Variants in C4orf36 observed in about 807,000 individuals in gnomAD.
C4orf36 encodes the protein chromosome 4 open reading frame 36, also known as uncharacterized protein C4orf36.
A neutral mutation model predicts 12.2 loss-of-function variants in C4orf36; 11 were observed. That is an observed-to-expected ratio of 0.90 (90% CI 0.57 to 1.49). The LOEUF is 1.49. C4orf36 is among the 40% of genes most tolerant of loss of function. C4orf36 has a pLI of 0.00. For synonymous variants in C4orf36, 54 were observed against 51.3 expected (o/e 1.05, Z -0.22); for missense variants, 137 against 133.9 (o/e 1.02, Z -0.11).
chr4:86,888,055 A>G, intron 3 of C4orf36, 66 bp downstream of exon 3: 2 of 1,574,532 alleles, frequency 1.3e-6, no homozygotes, highest in East Asian at 2.2e-5. Flanking sequence ...AGATTTAAAC[A>G]TTTCTCTGAT....
At chr4:86,904,161 C>T in the C4orf36 span, among the ~76,000 whole-genome samples, 5 of 152,246 alleles carry the variant, frequency 3.3e-5, no homozygotes, top group Non-Finnish European at 7.3e-5. Flanking sequence ...AGAAGGAGCT[C>T]ATCCCGAGAT....
chr4:86,884,047 A>C (rs1336740912), intron 4 of C4orf36, among the ~76,000 whole-genome samples: 5 of 152,288 alleles, frequency 3.3e-5, no homozygotes, highest in African/African-American at 1.2e-4. Context: ...ATCATCTAAA[A>C]AATACTAAAC....
upstream of C4orf36, among the ~76,000 whole-genome samples, chr4:86,894,579 G>A (rs1324857862): frequency 6.6e-6 from 1 of 152,160 alleles, no homozygotes; most frequent in East Asian, 1.9e-4. Context: ...GGTCAAGCCT[G>A]TGATTTCTTT....
chr4:86,913,448 T>C, the C4orf36 span: 4 of 756,434 alleles, frequency 5.3e-6, no homozygotes, highest in Non-Finnish European at 9.6e-6. Flanking sequence ...CTCTTGTCCA[T>C]GTTGCAAAAG....
At chr4:86,884,213 C>G (rs1050026832) in intron 4 of C4orf36, among the ~76,000 whole-genome samples, 7 of 151,794 alleles carry the variant, frequency 4.6e-5, no homozygotes, top group African/African-American at 1.7e-4. Context: ...ATTTTCATGT[C>G]ACTTTCACAC....
At chr4:86,916,100 A>C in the C4orf36 span, among the ~76,000 whole-genome samples, 1 of 152,210 alleles carries the variant, frequency 6.6e-6, no homozygotes, top group Non-Finnish European at 1.5e-5. Flanking sequence ...AAAGTAATAC[A>C]TCTACTTTGT....
At chr4:86,890,644 G>T (rs111939744) in intron 2 of C4orf36, among the ~76,000 whole-genome samples, 19 of 152,104 alleles carry the variant, frequency 1.2e-4, no homozygotes, top group Non-Finnish European at 2.4e-4. Context: ...TTATAATCCC[G>T]TAGGGAATCC....
chr4:86,920,904 G>A, the C4orf36 span, among the ~76,000 whole-genome samples: 1 of 152,014 alleles, frequency 6.6e-6, no homozygotes, highest in East Asian at 1.9e-4. Context: ...GGCCGGGGTG[G>A]CTCACATCTA....
At chr4:86,916,385 A>C in the C4orf36 span, among the ~76,000 whole-genome samples, 2 of 131,866 alleles carry the variant, frequency 1.5e-5, no homozygotes, top group South Asian at 2.6e-4. Context: ...AAAAAAAAAA[A>C]CTTTTTCCGG....
the C4orf36 span, among the ~76,000 whole-genome samples, chr4:86,929,130 A>G: frequency 3.3e-5 from 5 of 152,114 alleles, no homozygotes; most frequent in African/African-American, 1.2e-4. Context: ...ATAACAAATT[A>G]CCACAAACTC....
At chr4:86,888,389 G>T in intron 2 of C4orf36, 114 bp from the exon 3 acceptor site, 2 of 971,840 alleles carry the variant, frequency 2.1e-6, no homozygotes, top group Non-Finnish European at 3.0e-6. Context: ...TTGGTTTATG[G>T]GTGGAGGGGG....
the C4orf36 span, chr4:86,913,305 T>C: frequency 2.7e-6 from 2 of 730,996 alleles, no homozygotes; most frequent in Non-Finnish European, 4.8e-6. Flanking sequence ...AATCCTAAAT[T>C]GTCATGGCTC....
the C4orf36 span, among the ~76,000 whole-genome samples, chr4:86,923,744 C>T: frequency 2.4e-5 from 3 of 125,464 alleles, no homozygotes; most frequent in African/African-American, 9.1e-5. Flanking sequence ...GCCTGGGCAA[C>T]AAGAGTGAGA....
At chr4:86,918,695 A>G in the C4orf36 span, among the ~76,000 whole-genome samples, 1 of 152,148 alleles carries the variant, frequency 6.6e-6, no homozygotes, top group East Asian at 1.9e-4. Flanking sequence ...AACCACGAGG[A>G]CAAACAGAAC....
At chr4:86,913,480 G>A in the C4orf36 span, 9 of 776,188 alleles carry the variant, frequency 1.2e-5, no homozygotes, top group South Asian at 2.9e-5. Flanking sequence ...GACATGTTGC[G>A]TTGGATGCTC....
At chr4:86,908,669 C>T in the C4orf36 span, among the ~76,000 whole-genome samples, 1 of 151,400 alleles carries the variant, frequency 6.6e-6, no homozygotes, top group South Asian at 2.1e-4. Context: ...CTCCCTCCCT[C>T]CTGAAGATCA....
the C4orf36 span, chr4:86,913,421 G>T: frequency 1.3e-6 from 1 of 741,266 alleles, no homozygotes; most frequent in South Asian, 1.4e-5. Flanking sequence ...ACCGTGTTGC[G>T]GTCCTCAGTC....
At chr4:86,884,932 T>A (rs1230625844) in intron 4 of C4orf36, among the ~76,000 whole-genome samples, 1 of 152,218 alleles carries the variant, frequency 6.6e-6, no homozygotes, top group Non-Finnish European at 1.5e-5. Flanking sequence ...GCTAGCCAGT[T>A]TTCCCAGCAC....
chr4:86,918,938 G>T, the C4orf36 span, among the ~76,000 whole-genome samples: 1 of 152,066 alleles, frequency 6.6e-6, no homozygotes, highest in African/African-American at 2.4e-5. Context: ...CTGAGATGCT[G>T]GTAGTGTGAC....
Sources: gnomAD v4.1 joint callset for allele counts (sites outside exome capture counted in the v4.1 genomes callset) on GRCh38, gnomAD v4.1.1 for gene constraint, MANE v1.5 for transcripts, NCBI Gene and HGNC (gene_info 2026-07-23, HGNC 2026-07-21) for gene names.